Variants in ARFGEF2 observed in about 807,000 individuals in gnomAD.
ARFGEF2 encodes the protein ARF guanine nucleotide exchange factor 2, also known as brefeldin A-inhibited guanine nucleotide-exchange protein 2.
In ARFGEF2, 74 loss-of-function variants were observed where a neutral mutation model predicts 219.9. The ratio of observed to expected loss-of-function variants is 0.34; its 90% CI spans 0.28 to 0.41. ARFGEF2 has a LOEUF of 0.41. Among genes scored for constraint, ARFGEF2 ranks in the 10% least tolerant of loss-of-function variants. The probability of loss-of-function intolerance (pLI) is 1.00; values close to 1 mark genes in which losing one functional copy is unlikely to be tolerated. For missense variants in ARFGEF2, 1,743 were observed against 2,218.3 expected, an observed-to-expected ratio of 0.79 and a Z score of 4.30; for synonymous variants, 733 against 799.2, an observed-to-expected ratio of 0.92 and a Z score of 1.40.
chr20:48,955,825 T>G (rs569689377), intron 6 of ARFGEF2, among the ~76,000 whole-genome samples: 6 of 152,252 alleles, frequency 3.9e-5, no homozygotes, highest in Middle Eastern at 3.4e-3. Flanking sequence ...GTATTCCCAG[T>G]TACTTGGGAG....
chr20:49,014,274 T>C (rs1390883868), intron 30 of ARFGEF2, among the ~76,000 whole-genome samples: 1 of 152,028 alleles, frequency 6.6e-6, no homozygotes, highest in East Asian at 1.9e-4. Context: ...TATCAACCTC[T>C]GAGCAGTCAG....
chr20:49,026,676 C>T (rs1222923095), intron 36 of ARFGEF2, among the ~76,000 whole-genome samples: 1 of 151,154 alleles, frequency 6.6e-6, no homozygotes, highest in Non-Finnish European at 1.5e-5. Context: ...GTCTCTACCT[C>T]CCGGGTTCAA....
At chr20:49,014,753 A>G (rs1369902083) in intron 30 of ARFGEF2, among the ~76,000 whole-genome samples, 1 of 152,204 alleles carries the variant, frequency 6.6e-6, no homozygotes, top group African/African-American at 2.4e-5. Context: ...TAGTGAGACC[A>G]TATCTCTTAA....
At chr20:48,945,126 A>G (rs1454351908) in intron 3 of ARFGEF2, among the ~76,000 whole-genome samples, 3 of 151,998 alleles carry the variant, frequency 2.0e-5, no homozygotes, top group Admixed American at 2.0e-4. Context: ...TGAGGGACCT[A>G]CCCTCATGAC....
At chr20:49,010,974 G>T (rs2091494158) in intron 27 of ARFGEF2, among the ~76,000 whole-genome samples, 1 of 152,194 alleles carries the variant, frequency 6.6e-6, no homozygotes, top group Non-Finnish European at 1.5e-5. Flanking sequence ...CCTATCGAGT[G>T]CCATGTTTTT....
intron 6 of ARFGEF2, among the ~76,000 whole-genome samples, chr20:48,962,515 A>G (rs2091160024): frequency 6.6e-6 from 1 of 152,208 alleles, no homozygotes; most frequent in Admixed American, 6.5e-5. Flanking sequence ...ATAGTGGTGC[A>G]TGAATGTGGC....
rs1201743076 is a variant in ARFGEF2 at position 48,963,892 on chromosome 20, A to G, written c.901A>G (p.Ile301Val). Residue 301 changes from isoleucine to valine, a missense_variant, in exon 7 of 39, where the codon ATT (isoleucine) becomes GTT (valine). Around this residue, in one of 5 missense-constraint regions of ARFGEF2, gnomAD observed 394 missense variants for 426.6 expected, o/e 0.92. Transcript: ENST00000371917. ...CTTGGAAGATGTAGTCACATCTGCC[A>G]TTAAAGGTAAGAACCAAGGACAACC... ...DILEDVVTSA[I>V]KEAAEKHGLT... is the part of the protein sequence containing the mutation. 4 of 1,613,808 alleles carry G rather than the reference A, an allele frequency of 2.5e-6. No individual in the cohort carries two copies. Among genetic ancestry groups the G allele is most frequent in the East Asian group, 4.5e-5 (2 of 44,876 alleles).
intron 1 of ARFGEF2, among the ~76,000 whole-genome samples, chr20:48,932,999 A>G (rs1236583182): frequency 6.6e-6 from 1 of 152,070 alleles, no homozygotes; most frequent in African/African-American, 2.4e-5. Context: ...GAGGTTGGTG[A>G]TGGTGATTGT....
chr20:49,011,827 A>G (rs1304451601), intron 27 of ARFGEF2, 97 bp from the exon 28 acceptor site: 7 of 1,251,712 alleles, frequency 5.6e-6, no homozygotes, highest in Non-Finnish European at 8.1e-6. Context: ...ATTATCTCTG[A>G]TGTATGTGTG....
intron 1 of ARFGEF2, among the ~76,000 whole-genome samples, chr20:48,936,735 C>T (rs569410713): frequency 2.0e-5 from 3 of 152,168 alleles, no homozygotes; most frequent in Non-Finnish European, 4.4e-5. Context: ...CTATGTTGGC[C>T]AGGCTGGTTT....
intron 38 of ARFGEF2, 56 bp downstream of exon 38, chr20:49,032,222 T>A: frequency 7.7e-7 from 1 of 1,297,362 alleles, no homozygotes. Context: ...TTGGGTTGGC[T>A]TTTTACTCAA....
At chr20:48,975,581 C>T (rs2091256294) in intron 13 of ARFGEF2, among the ~76,000 whole-genome samples, 1 of 151,958 alleles carries the variant, frequency 6.6e-6, no homozygotes, top group African/African-American at 2.4e-5. Flanking sequence ...GGTGGTGGAT[C>T]ACGAGGTCAG....
chr20:49,001,313 T>TA (rs1337651476), intron 25 of ARFGEF2, among the ~76,000 whole-genome samples: 1 of 152,158 alleles, frequency 6.6e-6, no homozygotes, highest in East Asian at 1.9e-4. Flanking sequence ...GTGTTGCGAT[T>TA]ACAGGCATGA....
At chr20:48,991,459 G>C (rs1054287441) in intron 21 of ARFGEF2, among the ~76,000 whole-genome samples, 1 of 151,252 alleles carries the variant, frequency 6.6e-6, no homozygotes, top group Non-Finnish European at 1.5e-5. Context: ...TTCCATATTA[G>C]TGCCATTTTT....
intron 25 of ARFGEF2, among the ~76,000 whole-genome samples, chr20:49,002,230 C>G (rs1420253976): frequency 6.6e-6 from 1 of 152,084 alleles, no homozygotes; most frequent in Non-Finnish European, 1.5e-5. Flanking sequence ...GAGCAAAGCT[C>G]TGTCTCAAAA....
chr20:48,922,374 C>A (rs999149319), intron 1 of ARFGEF2, among the ~76,000 whole-genome samples: 2 of 152,224 alleles, frequency 1.3e-5, no homozygotes, highest in Admixed American at 1.3e-4. Flanking sequence ...ATTGGGGTTC[C>A]CCTAGGTGAA....
chr20:49,021,159 T>C (rs1461126598), intron 34 of ARFGEF2, among the ~76,000 whole-genome samples: 1 of 151,940 alleles, frequency 6.6e-6, no homozygotes, highest in East Asian at 1.9e-4. Context: ...CCCAGCACTT[T>C]GGGAGACCAG....
intron 3 of ARFGEF2, 35 bp downstream of exon 3, chr20:48,942,022 T>C (rs1555807350): frequency 2.5e-6 from 4 of 1,613,206 alleles, no homozygotes; most frequent in Non-Finnish European, 3.4e-6. Context: ...TCAAGGGGGT[T>C]CTCTCCAAGC....
chr20:48,976,016 G>C lies in ARFGEF2; in HGVS notation c.1775G>C (p.Gly592Ala), dbSNP rs375607415. Residue 592 changes from glycine to alanine, a missense_variant and splice_region_variant, in exon 14 of 39, where the codon GGT becomes GCT. Coordinates refer to ENST00000371917, the MANE Select transcript of ARFGEF2 (RefSeq NM_006420.3). ...YVNPNHQTSL[G>A]QERLTDQEIG... ...TTCCTTTACTTTTGTTTCTCCGCAG[G>C]TCAGGAGAGGCTCACGGATCAGGAA... 4 of 1,612,062 alleles carry C rather than the reference G, an allele frequency of 2.5e-6. No individual in the cohort carries two copies. In the African/African-American group the frequency reaches 5.3e-5, roughly 22 times the overall value.
Sources: gnomAD v4.1 joint callset for allele counts (sites outside exome capture counted in the v4.1 genomes callset) on GRCh38, gnomAD v4.1.1 for gene constraint, gnomAD v4.1.1 regional missense constraint, MANE v1.5 for transcripts, NCBI Gene and HGNC (gene_info 2026-07-23, HGNC 2026-07-21) for gene names.